The following SEMA6D variants were observed in gnomAD, a reference collection of about 807,000 sequenced individuals.
SEMA6D encodes semaphorin-6D.
In SEMA6D, 35 loss-of-function variants were observed where a neutral mutation model predicts 106.6. The ratio of observed to expected loss-of-function variants is 0.33; its 90% CI spans 0.25 to 0.44. SEMA6D has a LOEUF of 0.44. Ranked by LOEUF, SEMA6D falls within the 20% of genes least tolerant of loss-of-function variation. The probability of loss-of-function intolerance (pLI) is 1.00; values close to 1 mark genes in which losing one functional copy is unlikely to be tolerated. For synonymous variants in SEMA6D, 499 were observed against 487.7 expected, an observed-to-expected ratio of 1.02 and a Z score of -0.31; for missense variants, 1,185 against 1,345.9, an observed-to-expected ratio of 0.88 and a Z score of 1.87.
chr15:47,334,686 CAT>C (rs1222162665), intron 1 of SEMA6D, among the ~76,000 whole-genome samples: 2 of 152,096 alleles, frequency 1.3e-5, no homozygotes, highest in Non-Finnish European at 2.9e-5. Context: ...CCCACAGAAA[CAT>C]GTGGTTTGGA....
intron 1 of SEMA6D, among the ~76,000 whole-genome samples, chr15:47,288,997 C>T (rs1418192787): frequency 2.0e-5 from 3 of 151,996 alleles, no homozygotes; most frequent in South Asian, 4.2e-4. Context: ...AGTTGAAGGG[C>T]GGGAGGGTGG....
chr15:47,448,596 C>A (rs2042096323), intron 2 of SEMA6D, among the ~76,000 whole-genome samples: 1 of 152,128 alleles, frequency 6.6e-6, no homozygotes, highest in Non-Finnish European at 1.5e-5. Context: ...CTAAGCAGGG[C>A]CTCCTTGTTG....
At chr15:47,210,644 A>G (rs542386567) in intron 1 of SEMA6D, among the ~76,000 whole-genome samples, 1 of 151,760 alleles carries the variant, frequency 6.6e-6, no homozygotes, top group Admixed American at 6.6e-5. Context: ...ACATGCCTAT[A>G]GTCCCAGCTA....
intron 1 of SEMA6D, among the ~76,000 whole-genome samples, chr15:47,731,517 T>C (rs1167558247): frequency 6.6e-6 from 1 of 152,332 alleles, no homozygotes; most frequent in Non-Finnish European, 1.5e-5. Flanking sequence ...GTAGCCCTCA[T>C]TGAGCATGGT....
At chr15:47,325,239 T>A (rs886916711) in intron 1 of SEMA6D, among the ~76,000 whole-genome samples, 4 of 151,726 alleles carry the variant, frequency 2.6e-5, no homozygotes, top group African/African-American at 7.3e-5. Context: ...AGTGGCGCCA[T>A]CTCGGCTCAC....
At chr15:47,442,788 A>G (rs2140810016) in intron 2 of SEMA6D, among the ~76,000 whole-genome samples, 1 of 152,196 alleles carries the variant, frequency 6.6e-6, no homozygotes, top group Non-Finnish European at 1.5e-5. Flanking sequence ...TGACAGAGTC[A>G]CCTTTTGTGG....
chr15:47,638,807 C>A (rs1051745826), intron 4 of SEMA6D, among the ~76,000 whole-genome samples: 4 of 152,204 alleles, frequency 2.6e-5, no homozygotes, highest in African/African-American at 9.6e-5. Flanking sequence ...TTTTAAAAAC[C>A]GGCTGCCTCA....
At chr15:47,730,077 A>G in intron 1 of SEMA6D, 1 of 726,512 alleles carries the variant, frequency 1.4e-6, no homozygotes, top group Non-Finnish European at 2.3e-6. Context: ...AGTTTAGTTT[A>G]GTTTTGAAGG....
intron 3 of SEMA6D, among the ~76,000 whole-genome samples, chr15:47,576,353 G>A (rs1452502607): frequency 1.3e-5 from 2 of 152,202 alleles, no homozygotes; most frequent in Non-Finnish European, 2.9e-5. Context: ...TGGGAGTGGG[G>A]GCTAGAGCAG....
intron 4 of SEMA6D, among the ~76,000 whole-genome samples, chr15:47,626,003 A>T (rs1367438759): frequency 6.6e-6 from 1 of 152,178 alleles, no homozygotes. Context: ...GGATTATGAA[A>T]AGCCAGGAAG....
At chr15:47,495,045 C>T (rs1182850669) in intron 3 of SEMA6D, among the ~76,000 whole-genome samples, 1 of 151,258 alleles carries the variant, frequency 6.6e-6, no homozygotes, top group African/African-American at 2.4e-5. Context: ...ATACAATGGA[C>T]AGTCAATAAA....
intron 1 of SEMA6D, among the ~76,000 whole-genome samples, chr15:47,364,384 G>A (rs1444824857): frequency 5.9e-5 from 9 of 152,134 alleles, no homozygotes; most frequent in Non-Finnish European, 8.8e-5. Flanking sequence ...CTCATAATCA[G>A]TCACTCGAAA....
chr15:47,643,205 A>G (rs745437103), intron 4 of SEMA6D, among the ~76,000 whole-genome samples: 1 of 152,230 alleles, frequency 6.6e-6, no homozygotes, highest in Non-Finnish European at 1.5e-5. Context: ...AATATACCAC[A>G]TGCAGTAAGT....
At chr15:47,323,985 C>CA (rs11299568) in intron 1 of SEMA6D, among the ~76,000 whole-genome samples, 2,312 of 143,102 alleles carry the variant, frequency 0.016, 22 homozygotes, top group Admixed American at 0.03. Flanking sequence ...ATACAAGTGG[C>CA]AAAAAAAAAA....
chr15:47,644,688 A>T (rs1476900585), intron 4 of SEMA6D, among the ~76,000 whole-genome samples: 1 of 152,216 alleles, frequency 6.6e-6, no homozygotes, highest in Non-Finnish European at 1.5e-5. Context: ...CAGCACCTTG[A>T]TCTCAGACTT....
intron 4 of SEMA6D, among the ~76,000 whole-genome samples, chr15:47,707,650 G>A (rs776819635): frequency 3.3e-5 from 5 of 152,168 alleles, no homozygotes; most frequent in Non-Finnish European, 5.9e-5. Flanking sequence ...AGGTAGATAG[G>A]CTAACCTGCA....
intron 1 of SEMA6D, among the ~76,000 whole-genome samples, chr15:47,252,530 A>G (rs1022291824): frequency 8.5e-5 from 13 of 152,112 alleles, no homozygotes; most frequent in Non-Finnish European, 1.6e-4. Flanking sequence ...GTACCCATTA[A>G]CTTACCTCCT....
intron 1 of SEMA6D, among the ~76,000 whole-genome samples, chr15:47,344,593 G>T (rs1184311563): frequency 6.6e-6 from 1 of 152,168 alleles, no homozygotes; most frequent in Non-Finnish European, 1.5e-5. Context: ...GGTGGCTGAA[G>T]TTCTCAGGAC....
chr15:47,470,737 G>A (rs573087692), intron 3 of SEMA6D, among the ~76,000 whole-genome samples: 7 of 152,012 alleles, frequency 4.6e-5, no homozygotes, highest in African/African-American at 1.7e-4. Context: ...TTGGATTCTT[G>A]ATTTAATACA....
Sources: gnomAD v4.1 joint callset for allele counts (sites outside exome capture counted in the v4.1 genomes callset) on GRCh38, gnomAD v4.1.1 for gene constraint, MANE v1.5 for transcripts, NCBI Gene and HGNC (gene_info 2026-07-23, HGNC 2026-07-21) for gene names.